PRR14L: variants seen among roughly 807,000 people sequenced by gnomAD.
PRR14L encodes the protein proline rich 14 like, also known as protein PRR14L.
A neutral mutation model predicts 155.0 loss-of-function variants in PRR14L; 80 were observed. That is an observed-to-expected ratio of 0.52 (90% CI 0.43 to 0.62). The LOEUF (loss-of-function observed/expected upper bound fraction) is 0.62, where lower values mean the gene tolerates loss of function less well. PRR14L is among the 20% of genes least tolerant of loss of function. The pLI is 0.00. For missense variants in PRR14L, 2,469 were observed against 2,548.0 expected (o/e 0.97, Z 0.67); for synonymous variants, 883 against 916.0 (o/e 0.96, Z 0.65).
intron 3 of PRR14L, among the ~76,000 whole-genome samples, chr22:31,721,507 G>A (rs1429333583): frequency 6.6e-6 from 1 of 151,438 alleles, no homozygotes; most frequent in Non-Finnish European, 1.5e-5. Context: ...GGCGGAGTTT[G>A]CAGTGAGCTG....
In PRR14L at chr22:31,685,740, T is replaced by C; in HGVS notation, c.6243A>G (p.Gln2081=). The C allele has an allele frequency of 6.4e-7, 1 of 1,551,680 alleles. No homozygotes were observed. The change falls in exon 9 of 9, where the codon CAA becomes CAG. Residue 2081 remains glutamine (Q), a synonymous_variant. Coordinates refer to ENST00000327423, the MANE Select transcript of PRR14L (RefSeq NM_173566.3). ...ERNGTLISIS[Q]QKRKRVLEFQ... ...ATTCTAGAACTCGCTTCCTCTTCTG[T>C]TGGCTGATTGAGATTAGTGTACCAT...
chr22:31,727,551 T>C (rs2074723492), intron 2 of PRR14L, among the ~76,000 whole-genome samples: 1 of 152,038 alleles, frequency 6.6e-6, no homozygotes, highest in Non-Finnish European at 1.5e-5. Context: ...CCACAATTCT[T>C]AACAGGGAAA....
chr22:31,695,981 G>A (rs1229242222), intron 7 of PRR14L, among the ~76,000 whole-genome samples: 3 of 152,004 alleles, frequency 2.0e-5, no homozygotes, highest in South Asian at 2.1e-4. Flanking sequence ...GAACCAATAC[G>A]TAATACTAAG....
chr22:31,706,444 A>G (rs773356499), intron 4 of PRR14L, among the ~76,000 whole-genome samples: 1 of 111,874 alleles, frequency 8.9e-6, no homozygotes, highest in Non-Finnish European at 1.8e-5. Context: ...CTTTTTTTTG[A>G]GACGGAGTCT....
At position 31,705,535 on chromosome 22, in the gene PRR14L, G is replaced by A. The variant is rs530615072; in HGVS notation, c.5757-809C>T. Among the ~76,000 whole-genome samples the A allele has an allele frequency of 4.6e-5, 7 of 151,908 alleles. No homozygotes were observed. In the South Asian group the frequency reaches 6.3e-4, roughly 14 times the overall value. ...ACTATAGGCGCGTGCCATCATGCCC[G>A]GGTAATTTTTGTATTTTTAGTAGAG... On this transcript the variant is annotated intron_variant, in intron 4 of 8. Transcript: ENST00000327423.
At chr22:31,724,348 G>T (rs2074706000) in intron 3 of PRR14L, among the ~76,000 whole-genome samples, 1 of 152,218 alleles carries the variant, frequency 6.6e-6, no homozygotes, top group Non-Finnish European at 1.5e-5. Flanking sequence ...CACGAAACAG[G>T]TTCCTGACTC....
rs982376508 is a variant in PRR14L at position 31,683,797 on chromosome 22, G to C, written c.*1730C>G. The C allele has an allele frequency of 3.9e-5, 6 of 152,646 alleles. No homozygotes were observed. The Admixed American group carries it at 3.9e-4, about 10-fold the overall frequency. The allele number at this position is 152,646 out of a possible 1,614,324, so 9.5% of individuals were successfully genotyped here. Reference sequence around the variant, plus strand: ...AACCTGCAAAAGCAAGGCACATAGAGACCCCCCACCCCCAACCCATCTCCC... The same window carrying C: ...AACCTGCAAAAGCAAGGCACATAGACACCCCCCACCCCCAACCCATCTCCC... On this transcript the variant is annotated 3_prime_UTR_variant, in exon 9 of 9. Transcript: ENST00000327423.
rs373427289 is a variant in PRR14L at position 31,734,041 on chromosome 22, C to T, written c.474+4346G>A. 9.9e-5 allele frequency among the ~76,000 whole-genome samples: 15 copies of T among 152,198 alleles called. No homozygotes were observed. The East Asian group carries it at 1.4e-3, about 14-fold the overall frequency. ...AGGCTGGAGTGCAGTGGCACAATCT[C>T]GGCTCACTACAACCTCTGCCTCCCA... On this transcript the variant is annotated intron_variant, in intron 2 of 8. Coordinates refer to ENST00000327423, the MANE Select transcript of PRR14L (RefSeq NM_173566.3).
rs561866728 is a variant in PRR14L, at chr22:31,750,094, G to A, written c.-153C>T. ...TACCTGAGCCTACGGAGCCGACAGAGGCCGGGGGCGCTCCGGCCGCCGCCA... is the reference window on the plus strand; with the variant it reads ...TACCTGAGCCTACGGAGCCGACAGAAGCCGGGGGCGCTCCGGCCGCCGCCA... On this transcript the variant is annotated 5_prime_UTR_variant, in exon 1 of 9. Transcript: ENST00000327423. The A allele has an allele frequency of 1.3e-5, 2 of 152,508 alleles. No individual in the cohort carries two copies. Among genetic ancestry groups the A allele is most frequent in the Non-Finnish European group, 2.9e-5 (2 of 68,274 alleles). 9.4% of individuals were successfully genotyped at this position (152,508 alleles called of 1,614,324 possible). A position where few individuals can be genotyped will look rare whatever the true frequency, so the allele number is the denominator to read the frequency against.
chr22:31,744,424 T>C (rs896717630), intron 1 of PRR14L, among the ~76,000 whole-genome samples: 2 of 152,118 alleles, frequency 1.3e-5, no homozygotes, highest in Admixed American at 1.3e-4. Flanking sequence ...TGAGCCACTA[T>C]GCCCGGCCTA....
At chr22:31,738,364 G>C (rs748321819) in intron 2 of PRR14L, 23 bp downstream of exon 2, 4 of 1,533,904 alleles carry the variant, frequency 2.6e-6, no homozygotes, top group East Asian at 4.9e-5. Context: ...TCAACTCTTC[G>C]GAATGGAGAT....
At chr22:31,701,513 G>A (rs2074563075) in intron 7 of PRR14L, 143 bp downstream of exon 7, 2 of 554,564 alleles carry the variant, frequency 3.6e-6, no homozygotes, top group African/African-American at 3.8e-5. Context: ...AATATCTAGC[G>A]ACATTACTAA....
chr22:31,688,927 A>ACACAC (rs1569497073), intron 7 of PRR14L, among the ~76,000 whole-genome samples: 10 of 130,448 alleles, frequency 7.7e-5, no homozygotes, highest in African/African-American at 3.4e-4. Context: ...CACACACACA[A>ACACAC]AAACCCTTCA....
At chr22:31,686,738 T>C (rs1475181826) in intron 8 of PRR14L, among the ~76,000 whole-genome samples, 1 of 151,820 alleles carries the variant, frequency 6.6e-6, no homozygotes, top group East Asian at 1.9e-4. Flanking sequence ...CTGGCTCTGA[T>C]TCGTTTTTTT....
rs974760551 is a variant in PRR14L, at chr22:31,738,679, C to T, written c.182G>A (p.Arg61Lys). ...GASSSLLSQN[R>K]ALPLELQRTH... ...CCTCTGCAGCTCCAAGGGCAATGCC[C>T]TATTCTGACTTAAAAGAGAGCTTGA... is the stretch of plus-strand genomic sequence containing the variant. Residue 61 changes from arginine (R) to lysine (K), a missense_variant, in exon 2 of 9, where the codon AGG (arginine) becomes AAG (lysine). By Grantham distance (26) the Arg-to-Lys change is conservative. This residue lies in a region of PRR14L where 2,363 missense variants were observed against 2,371.6 expected (regional missense o/e 1.00). Coordinates refer to ENST00000327423, the MANE Select transcript of PRR14L (RefSeq NM_173566.3). The T allele has an allele frequency of 1.9e-6, 3 of 1,551,888 alleles. No individual in the cohort carries two copies. Among genetic ancestry groups the T allele is most frequent in the Admixed American group, 2.0e-5 (1 of 50,976 alleles).
chr22:31,714,344 A>G lies in PRR14L; in HGVS notation c.3495T>C (p.Asn1165=). The change falls in exon 4 of 9, where the codon AAT becomes AAC. Residue 1165 remains asparagine, a synonymous_variant. Transcript: ENST00000327423. Reference sequence around the variant, plus strand: ...AATTTACTCTGCCCAATATTCTTTTATTTGGTTCATGATCTGCAACAGACT... The same window carrying G: ...AATTTACTCTGCCCAATATTCTTTTGTTTGGTTCATGATCTGCAACAGACT... ...EMESVADHEP[N]KRILGRVNLS... 1 of 1,551,604 alleles carries G rather than the reference A, an allele frequency of 6.4e-7. No individual in the cohort carries two copies. Among genetic ancestry groups the G allele is most frequent in the Non-Finnish European group, 8.7e-7 (1 of 1,146,952 alleles).
intron 3 of PRR14L, among the ~76,000 whole-genome samples, chr22:31,723,392 C>G (rs895831452): frequency 3.9e-5 from 6 of 152,128 alleles, no homozygotes; most frequent in African/African-American, 1.4e-4. Flanking sequence ...TTTGAAAAGG[C>G]AGATTTCCAA....
Position 31,712,131 on chromosome 22 carries a change from A to G in PRR14L, c.5708T>C (p.Leu1903Pro), listed in dbSNP as rs1193669626. ...PSVCSFEISS[L>P]HSPHCKRQPS... ...TTGCCGCTTGCAGTGAGGGGAATGA[A>G]GAGAAGAGATTTCGAAGGAGCAGAC... The change falls in exon 4 of 9, where the codon CTT (leucine) becomes CCT (proline). Residue 1903 changes from leucine to proline, a missense_variant. Coordinates refer to ENST00000327423, the MANE Select transcript of PRR14L (RefSeq NM_173566.3). The G allele has an allele frequency of 6.2e-7, 1 of 1,613,962 alleles. No homozygotes were observed. Among genetic ancestry groups the G allele is most frequent in the Admixed American group, 1.7e-5 (1 of 59,964 alleles).
rs953634317 is a variant in PRR14L at position 31,684,732 on chromosome 22, A to C, written c.*795T>G. On this transcript the variant is annotated 3_prime_UTR_variant, in exon 9 of 9. Coordinates refer to ENST00000327423, the MANE Select transcript of PRR14L (RefSeq NM_173566.3). ...CAAATGCCTATCATGTATTCTTAAG[A>C]CATGTATTGTTTTTCTCCTTAAAAA... 6.6e-6 allele frequency: 1 copy of C among 152,202 alleles called. No individual in the cohort carries two copies. Among genetic ancestry groups the C allele is most frequent in the Non-Finnish European group, 1.5e-5 (1 of 68,034 alleles). The allele number at this position is 152,202 out of a possible 1,614,324, so 9.4% of individuals were successfully genotyped here.
Sources: gnomAD v4.1 joint callset for allele counts (sites outside exome capture counted in the v4.1 genomes callset) on GRCh38, gnomAD v4.1.1 for gene constraint, gnomAD v4.1.1 regional missense constraint, MANE v1.5 for transcripts, NCBI Gene and HGNC (gene_info 2026-07-23, HGNC 2026-07-21) for gene names.